CDH7: variants seen among roughly 807,000 people sequenced by gnomAD.
CDH7 encodes the protein cadherin-7.
Under a neutral mutation model 71.8 loss-of-function variants are expected in CDH7, and 25 were observed. That is an observed-to-expected ratio of 0.35 (90% confidence interval 0.25 to 0.49). CDH7 has a LOEUF of 0.49. Among genes scored for constraint, CDH7 ranks in the 20% least tolerant of loss-of-function variants. CDH7 has a pLI of 0.99. For synonymous variants in CDH7, 381 were observed against 363.8 expected (o/e 1.05, Z -0.54); for missense variants, 862 against 974.6 (o/e 0.88, Z 1.54).
chr18:65,762,430 T>G (rs1916217462), intron 1 of CDH7, among the ~76,000 whole-genome samples: 1 of 152,234 alleles, frequency 6.6e-6, no homozygotes, highest in East Asian at 1.9e-4. Context: ...TGAAGATAGT[T>G]CTGCATCAGC....
intron 2 of CDH7, among the ~76,000 whole-genome samples, chr18:65,797,366 A>G (rs1377206067): frequency 2.6e-5 from 4 of 151,708 alleles, no homozygotes; most frequent in Non-Finnish European, 5.9e-5. Context: ...ACATTTCTTT[A>G]TGAAAATGTT....
intron 2 of CDH7, among the ~76,000 whole-genome samples, chr18:65,781,818 C>T (rs1568181484): frequency 9.4e-5 from 8 of 85,404 alleles, no homozygotes; most frequent in African/African-American, 5.6e-4. Context: ...TTCCTTCCTT[C>T]CTTCTTTCTT....
intron 7 of CDH7, among the ~76,000 whole-genome samples, chr18:65,849,011 A>G: frequency 6.6e-6 from 1 of 152,172 alleles, no homozygotes; most frequent in Non-Finnish European, 1.5e-5. Flanking sequence ...CACATATGAA[A>G]TCTAAATTAT....
intron 2 of CDH7, among the ~76,000 whole-genome samples, chr18:65,776,168 G>A (rs1308278819): frequency 6.6e-6 from 1 of 151,830 alleles, no homozygotes; most frequent in African/African-American, 2.4e-5. Flanking sequence ...TTTTATTTTT[G>A]TTTAGAGATG....
chr18:65,754,078 T>G (rs1915961849), intron 1 of CDH7, among the ~76,000 whole-genome samples: 1 of 152,238 alleles, frequency 6.6e-6, no homozygotes, highest in Admixed American at 6.5e-5. Flanking sequence ...AATATAATTT[T>G]ACCATTTTAT....
At chr18:65,836,346 T>C (rs1912532299) in intron 6 of CDH7, among the ~76,000 whole-genome samples, 1 of 152,130 alleles carries the variant, frequency 6.6e-6, no homozygotes, top group Non-Finnish European at 1.5e-5. Context: ...TAAGTATGAA[T>C]AAGAATCTGG....
At position 65,782,039 on chromosome 18, in the gene CDH7, TTCCTTCCTTCCTTCCTTCCTTC is replaced by T. The variant is rs1910287243; in HGVS notation, c.210+18988_210+19009del. Among the ~76,000 whole-genome samples, 14 of 64,918 alleles carry T rather than the reference TTCCTTCCTTCCTTCCTTCCTTC, an allele frequency of 2.2e-4. 4 individuals carry two copies. Among genetic ancestry groups the T allele is most frequent in the South Asian group, 1.1e-3 (2 of 1,830 alleles). 42.6% of individuals were successfully genotyped at this position (64,918 alleles called of 152,430 possible). ...CTCTCTCTCTTTCTCCCTTCCTTCC[TTCCTTCCTTCCTTCCTTCCTTC>T]CTTTCTTTCTTTCTTTCTTTCCTTC... On this transcript the variant is annotated intron_variant, in intron 2 of 11. Coordinates refer to ENST00000397968, the MANE Select transcript of CDH7 (RefSeq NM_004361.5).
rs200040319 is a variant in CDH7 at position 65,809,995 on chromosome 18, G to A, written c.502G>A (p.Val168Met). 6.2e-5 allele frequency: 99 copies of A among 1,608,914 alleles called. No homozygotes were observed. In the Admixed American group the frequency reaches 6.8e-4, roughly 11 times the overall value. Residue 168 changes from valine (V) to methionine (M), a missense_variant, in exon 3 of 12, where the codon GTG (valine) becomes ATG (methionine). Val to Met is a conservative substitution (Grantham distance 21, BLOSUM62 1). Coordinates refer to ENST00000397968, the MANE Select transcript of CDH7 (RefSeq NM_004361.5). ...GGCAGGAGTTCCCGAAATGTCTCCC[G>A]TGGGTAAGTAAAGAACACTCTGCTT... The part of the protein sequence containing the change: ...YTAGVPEMSP[V>M]GTSVVQVTAT...
In CDH7 at chr18:65,887,820, T is replaced by G. The variant is rs1031834372; in HGVS notation, c.*6926T>G. The stretch of plus-strand genomic sequence containing the variant: ...TTTAGTAGAGATTTCAGAATTTTTT[T>G]TCTCAAATTTAGAGGAACGAACAAT... On this transcript the variant is annotated 3_prime_UTR_variant, in exon 12 of 12. Coordinates refer to ENST00000397968, the MANE Select transcript of CDH7 (RefSeq NM_004361.5). 3 of 152,200 alleles carry G rather than the reference T, an allele frequency of 2.0e-5. No homozygotes were observed. Among genetic ancestry groups the G allele is most frequent in the African/African-American group, 7.2e-5 (3 of 41,466 alleles). 9.4% of individuals were successfully genotyped at this position (152,200 alleles called of 1,614,324 possible).
intron 1 of CDH7, among the ~76,000 whole-genome samples, chr18:65,757,594 AT>A (rs904516229): frequency 7.2e-5 from 11 of 151,730 alleles, no homozygotes; most frequent in South Asian, 4.2e-4. Context: ...ATCTTCCTCA[AT>A]TTTTTTTCCG....
rs528542151 is a variant in CDH7, at chr18:65,858,680, G to A, written c.1373-245G>A. On this transcript the variant is annotated intron_variant, in intron 8 of 11. Transcript: ENST00000397968. Reference sequence around the variant, plus strand: ...TATGTATATATTTGGATATACATAAGTATGTATACATACACATATACGTAT... The same window carrying A: ...TATGTATATATTTGGATATACATAAATATGTATACATACACATATACGTAT... 2.6e-5 allele frequency among the ~76,000 whole-genome samples: 4 copies of A among 151,760 alleles called. No homozygotes were observed. In the East Asian group the frequency reaches 7.8e-4, roughly 29 times the overall value.
In CDH7 at chr18:65,782,123, T is replaced by C. The variant is rs1322620616; in HGVS notation, c.210+19071T>C. 1.1e-4 allele frequency among the ~76,000 whole-genome samples: 8 copies of C among 74,018 alleles called. 1 individual carries two copies. Among genetic ancestry groups the C allele is most frequent in the Non-Finnish European group, 1.8e-4 (8 of 45,244 alleles). 48.6% of individuals were successfully genotyped at this position (74,018 alleles called of 152,430 possible). On this transcript the variant is annotated intron_variant, in intron 2 of 11. Transcript: ENST00000397968. ...CCTTCCTTCCTTCTTTCTTTCTTTC[T>C]TTCTTTCTTTCTTTCTTTCTTTCTT...
intron 2 of CDH7, among the ~76,000 whole-genome samples, chr18:65,781,483 G>T (rs1910183639): frequency 6.6e-6 from 1 of 151,962 alleles, no homozygotes; most frequent in Non-Finnish European, 1.5e-5. Context: ...TTTTTACACA[G>T]AATATTTTGT....
chr18:65,765,823 T>G (rs967616620), intron 2 of CDH7, among the ~76,000 whole-genome samples: 1 of 152,136 alleles, frequency 6.6e-6, no homozygotes, highest in Admixed American at 6.6e-5. Context: ...GTTGTATAAC[T>G]TGGGGGCAAA....
chr18:65,818,674 A>G (rs182299959), intron 4 of CDH7, among the ~76,000 whole-genome samples: 55 of 152,338 alleles, frequency 3.6e-4, no homozygotes, highest in Middle Eastern at 3.4e-3. Flanking sequence ...ATAAATACCT[A>G]TTCAGTTCAT....
At chr18:65,800,775 C>A (rs1911094069) in intron 2 of CDH7, among the ~76,000 whole-genome samples, 1 of 151,884 alleles carries the variant, frequency 6.6e-6, no homozygotes, top group East Asian at 1.9e-4. Context: ...AGATCTCATG[C>A]CAAAATTAAT....
At chr18:65,769,115 G>A (rs1422758319) in intron 2 of CDH7, among the ~76,000 whole-genome samples, 1 of 152,058 alleles carries the variant, frequency 6.6e-6, no homozygotes, top group Non-Finnish European at 1.5e-5. Flanking sequence ...CTGTGGAGGT[G>A]GTTCCCACAG....
intron 2 of CDH7, among the ~76,000 whole-genome samples, chr18:65,789,696 T>C (rs1193506669): frequency 2.0e-5 from 3 of 152,020 alleles, no homozygotes; most frequent in African/African-American, 7.2e-5. Context: ...ATAACAATTA[T>C]TTGGAAAGTA....
intron 2 of CDH7, among the ~76,000 whole-genome samples, chr18:65,798,177 G>T (rs771958637): frequency 5.3e-5 from 8 of 151,978 alleles, no homozygotes; most frequent in Non-Finnish European, 1.0e-4. Flanking sequence ...CTTGGGATTG[G>T]TCCATTCACA....
Sources: allele counts gnomAD v4.1 joint callset (sites outside exome capture counted in the v4.1 genomes callset), GRCh38; gene constraint gnomAD v4.1.1; transcripts MANE v1.5; gene names NCBI Gene and HGNC (gene_info 2026-07-23, HGNC 2026-07-21).